PRKCA: variants seen among roughly 807,000 people sequenced by gnomAD.
PRKCA encodes protein kinase C alpha type.
PRKCA carries 27 observed loss-of-function variants against 87.0 expected under a neutral mutation model. The ratio of observed to expected loss-of-function variants is 0.31; its 90% CI spans 0.23 to 0.43. The LOEUF is 0.43. Among genes scored for constraint, PRKCA ranks in the 20% least tolerant of loss-of-function variants. PRKCA has a pLI of 1.00. For synonymous variants in PRKCA, 329 were observed against 311.1 expected (o/e 1.06, Z -0.61); for missense variants, 518 against 852.3 (o/e 0.61, Z 4.88).
chr17:66,303,544 C>T (rs925147136), intron 1 of PRKCA, among the ~76,000 whole-genome samples: 3 of 152,082 alleles, frequency 2.0e-5, no homozygotes, highest in African/African-American at 7.2e-5. Context: ...CTGGACTGCG[C>T]TGGCATCTTG....
At position 66,803,257 on chromosome 17, in the gene PRKCA, C is replaced by T. The variant is rs1975942645; in HGVS notation, c.1855-616C>T. Among the ~76,000 whole-genome samples the T allele has an allele frequency of 6.6e-6, 1 of 152,202 alleles. No individual in the cohort carries two copies. Among genetic ancestry groups the T allele is most frequent in the Admixed American group, 6.5e-5 (1 of 15,288 alleles). On this transcript the variant is annotated intron_variant, in intron 16 of 16. Transcript: ENST00000413366. This position sits in a 1 kb window ranked among gnomAD's most constrained non-coding sequence, Gnocchi z 4.4. Reference sequence around the variant, plus strand: ...GTCACCCAGCCTGCCCGCTGGCCAGCTCTGTCTAGGTGTGCTAAATCCTAG... The same window carrying T: ...GTCACCCAGCCTGCCCGCTGGCCAGTTCTGTCTAGGTGTGCTAAATCCTAG...
intron 3 of PRKCA, among the ~76,000 whole-genome samples, chr17:66,574,920 G>T (rs937849357): frequency 3.9e-5 from 6 of 152,092 alleles, no homozygotes; most frequent in African/African-American, 1.4e-4. Context: ...TGTGAATGGG[G>T]TCTCTCCCTC....
intron 2 of PRKCA, among the ~76,000 whole-genome samples, chr17:66,376,851 C>T (rs2143564959): frequency 6.6e-6 from 1 of 152,020 alleles, no homozygotes; most frequent in Non-Finnish European, 1.5e-5. Flanking sequence ...GTTGTGTGGA[C>T]CTGTGAGTAC....
intron 2 of PRKCA, among the ~76,000 whole-genome samples, chr17:66,424,724 A>T (rs1912695048): frequency 6.6e-6 from 1 of 152,072 alleles, no homozygotes; most frequent in African/African-American, 2.4e-5. Context: ...GAATGCATTG[A>T]TAGGTTTCTG....
At chr17:66,522,851 G>A (rs1967213251) in intron 3 of PRKCA, among the ~76,000 whole-genome samples, 1 of 151,772 alleles carries the variant, frequency 6.6e-6, no homozygotes, top group South Asian at 2.1e-4. Flanking sequence ...AAGGAAGAGG[G>A]CATTATTCAT....
chr17:66,510,068 A>G (rs766081574), intron 3 of PRKCA, among the ~76,000 whole-genome samples: 3 of 152,060 alleles, frequency 2.0e-5, no homozygotes, highest in East Asian at 3.9e-4. Flanking sequence ...TTTAGTTTCT[A>G]TCTCTAGTGA....
chr17:66,739,660 G>C (rs558964152), intron 11 of PRKCA, among the ~76,000 whole-genome samples: 58 of 152,256 alleles, frequency 3.8e-4, no homozygotes, highest in Non-Finnish European at 5.7e-4. Context: ...AGAGGTGGGG[G>C]AAGAGCCTTC....
intron 2 of PRKCA, among the ~76,000 whole-genome samples, chr17:66,358,051 T>C (rs903350919): frequency 1.3e-5 from 2 of 152,220 alleles, no homozygotes; most frequent in Non-Finnish European, 2.9e-5. Flanking sequence ...GGAGTTAACA[T>C]TTTATAACTT....
At chr17:66,691,979 A>G (rs1447329745) in intron 8 of PRKCA, among the ~76,000 whole-genome samples, 2 of 152,220 alleles carry the variant, frequency 1.3e-5, no homozygotes, top group Admixed American at 6.5e-5. Flanking sequence ...AAACAAACAA[A>G]CAAAATACAG....
intron 2 of PRKCA, among the ~76,000 whole-genome samples, chr17:66,449,266 G>A (rs1914192837): frequency 6.6e-6 from 1 of 152,042 alleles, no homozygotes; most frequent in Non-Finnish European, 1.5e-5. Context: ...TCCAGCCTGG[G>A]CAACAGCAAG....
chr17:66,510,980 C>T (rs1598731354), intron 3 of PRKCA, among the ~76,000 whole-genome samples: 1 of 152,078 alleles, frequency 6.6e-6, no homozygotes, highest in Admixed American at 6.6e-5. Context: ...CTCCGGTACT[C>T]CGGTGATCTG....
chr17:66,393,987 A>G (rs1272408911), intron 2 of PRKCA, among the ~76,000 whole-genome samples: 1 of 152,074 alleles, frequency 6.6e-6, no homozygotes, highest in Admixed American at 6.6e-5. Context: ...AGGCACGAGA[A>G]TCGCTCGAAC....
chr17:66,701,757 A>C (rs1244500806), intron 8 of PRKCA, among the ~76,000 whole-genome samples: 2 of 152,174 alleles, frequency 1.3e-5, no homozygotes, highest in Non-Finnish European at 2.9e-5. Context: ...AAAATTGTCA[A>C]AATTATAATG....
intron 2 of PRKCA, among the ~76,000 whole-genome samples, chr17:66,427,189 G>A (rs936872512): frequency 5.3e-5 from 8 of 152,102 alleles, no homozygotes; most frequent in African/African-American, 1.9e-4. Flanking sequence ...GTGCCACCAT[G>A]TCTGGCTAAT....
chr17:66,629,388 C>A (rs1970947622), intron 3 of PRKCA, among the ~76,000 whole-genome samples: 1 of 152,186 alleles, frequency 6.6e-6, no homozygotes, highest in African/African-American at 2.4e-5. Context: ...CAAAATTTGA[C>A]CCACATCATC....
chr17:66,493,286 T>C (rs1916321556), intron 2 of PRKCA, among the ~76,000 whole-genome samples: 1 of 140,494 alleles, frequency 7.1e-6, no homozygotes, highest in Non-Finnish European at 1.5e-5. Flanking sequence ...TGTATGTCTA[T>C]GTAGGTATAT....
chr17:66,442,911 C>T (rs757619186), intron 2 of PRKCA, among the ~76,000 whole-genome samples: 1 of 152,148 alleles, frequency 6.6e-6, no homozygotes, highest in African/African-American at 2.4e-5. Context: ...GCCTCAGAGC[C>T]GGTAACTGTT....
At chr17:66,629,145 G>A (rs867728413) in intron 3 of PRKCA, among the ~76,000 whole-genome samples, 3 of 152,312 alleles carry the variant, frequency 2.0e-5, no homozygotes, top group Non-Finnish European at 4.4e-5. Flanking sequence ...TACCTAAAGA[G>A]ACAGTCCTGC....
intron 2 of PRKCA, among the ~76,000 whole-genome samples, chr17:66,455,468 C>T (rs1415977708): frequency 2.0e-5 from 3 of 152,170 alleles, no homozygotes; most frequent in East Asian, 3.9e-4. Context: ...ATGGTAAATG[C>T]AGAAGCATCA....
Sources: gnomAD v4.1 joint callset for allele counts (sites outside exome capture counted in the v4.1 genomes callset) on GRCh38, gnomAD v4.1.1 for gene constraint, Gnocchi (gnomAD v3.1) non-coding constraint, MANE v1.5 for transcripts, NCBI Gene and HGNC (gene_info 2026-07-23, HGNC 2026-07-21) for gene names.